Variants in PDIA3 observed in about 807,000 individuals in gnomAD.
PDIA3 encodes protein disulfide isomerase family A member 3.
A neutral mutation model predicts 56.9 loss-of-function variants in PDIA3; 16 were observed. That is an observed-to-expected ratio of 0.28 (90% confidence interval 0.19 to 0.43). The LOEUF is 0.43. Among genes scored for constraint, PDIA3 ranks in the 20% least tolerant of loss-of-function variants. The pLI, the probability that PDIA3 is intolerant of heterozygous loss-of-function variation, is 1.00. For missense variants in PDIA3, 485 were observed against 621.3 expected (o/e 0.78, Z 2.33); for synonymous variants, 192 against 216.5 (o/e 0.89, Z 0.99).
Position 43,746,550 on chromosome 15 carries a change from G to C in PDIA3, c.11G>C (p.Arg4Pro). The change falls in exon 1 of 13, where the codon CGC becomes CCC. Residue 4 changes from arginine (R) to proline (P), a missense_variant. Transcript: ENST00000300289. MRL[R>P]RLALFPGVAL... ...CCCCACCTCGCCGCCATGCGCCTCC[G>C]CCGCCTAGCGCTGTTCCCGGGTGTG... 6.2e-7 allele frequency: 1 copy of C among 1,603,228 alleles called. No homozygotes were observed. The highest frequency in any genetic ancestry group is 8.5e-7 in the Non-Finnish European group (1 of 1,176,030).
intron 3 of PDIA3, among the ~76,000 whole-genome samples, chr15:43,759,572 G>A (rs2086801412): frequency 6.6e-6 from 1 of 152,068 alleles, no homozygotes. Context: ...CCCAAAAGAA[G>A]ATAGTTGTAC....
Position 43,746,610 on chromosome 15 carries a change from C to A in PDIA3, c.71C>A (p.Ala24Asp). Residue 24 changes from alanine (A) to aspartate (D), a missense_variant, in exon 1 of 13, where the codon GCC (alanine) becomes GAC (aspartate). Coordinates refer to ENST00000300289, the MANE Select transcript of PDIA3 (RefSeq NM_005313.5). ...CTTGCCGCGGCCCGCCTCGCCGCTG[C>A]CTCCGACGTGCTAGAACTCACGGAC... is the stretch of plus-strand genomic sequence containing the variant. ...LLLAAARLAA[A>D]SDVLELTDDN... 1 of 1,612,684 alleles carries A rather than the reference C, an allele frequency of 6.2e-7. No individual in the cohort carries two copies. Among genetic ancestry groups the A allele is most frequent in the South Asian group, 1.1e-5 (1 of 91,086 alleles).
chr15:43,756,480 G>A (rs1303774855), intron 2 of PDIA3, among the ~76,000 whole-genome samples, 169 bp from the exon 3 acceptor site: 1 of 152,240 alleles, frequency 6.6e-6, no homozygotes, highest in Non-Finnish European at 1.5e-5. Context: ...CAGTTCTGAT[G>A]TAGTTAGGCA....
chr15:43,755,615 GA>G (rs1427027508), intron 2 of PDIA3, among the ~76,000 whole-genome samples: 1 of 151,960 alleles, frequency 6.6e-6, no homozygotes, highest in Non-Finnish European at 1.5e-5. Context: ...CTTGCCATAG[GA>G]AAAAAATTTA....
intron 2 of PDIA3, among the ~76,000 whole-genome samples, chr15:43,755,010 G>A (rs2086769239): frequency 1.3e-5 from 2 of 151,988 alleles, no homozygotes; most frequent in African/African-American, 4.8e-5. Context: ...ATGGAAAGCA[G>A]AAGTACAGCT....
At chr15:43,746,828 G>C in intron 1 of PDIA3, 122 bp downstream of exon 1, 1 of 1,130,918 alleles carries the variant, frequency 8.8e-7, no homozygotes, top group South Asian at 1.4e-5. Flanking sequence ...CTGCTGCGGC[G>C]GGCACATTTC....
In PDIA3 at chr15:43,771,246, AGGACTCTTC is replaced by A; in HGVS notation, c.*29_*37del. The A allele has an allele frequency of 7.1e-7, 1 of 1,418,316 alleles. No homozygotes were observed. Among genetic ancestry groups the A allele is most frequent in the Non-Finnish European group, 9.9e-7 (1 of 1,007,860 alleles). The allele number at this position is 1,418,316 out of a possible 1,614,324, so 87.9% of individuals were successfully genotyped here. Reference sequence around the variant, plus strand: ...CAGTAGCCAAACACCACTTTGTAAAAGGACTCTTCCATCAGAGATGGGAAAACCATTGGG... The same window carrying A: ...CAGTAGCCAAACACCACTTTGTAAAACATCAGAGATGGGAAAACCATTGGG... On this transcript the variant is annotated 3_prime_UTR_variant, in exon 13 of 13. Transcript: ENST00000300289.
chr15:43,750,849 A>G lies in PDIA3; in HGVS notation c.168-2975A>G, dbSNP rs534199255. On this transcript the variant is annotated intron_variant, in intron 1 of 12. Transcript: ENST00000300289. ...CCCTCTAAGACAGTAGTAATAAATAATGGCTGGGTGCAAAGGCTCACGCCT... is the reference window on the plus strand; with the variant it reads ...CCCTCTAAGACAGTAGTAATAAATAGTGGCTGGGTGCAAAGGCTCACGCCT... Among the ~76,000 whole-genome samples, 12 of 148,244 alleles carry G rather than the reference A, an allele frequency of 8.1e-5. 1 individual carries two copies. In the South Asian group the frequency reaches 1.5e-3, roughly 18 times the overall value.
rs1392344340 is a variant in PDIA3, at chr15:43,771,419, T to C, written c.*201T>C. 2.4e-6 allele frequency: 1 copy of C among 414,990 alleles called. No individual in the cohort carries two copies. The highest frequency in any genetic ancestry group is 4.2e-6 in the Non-Finnish European group (1 of 236,246). The allele number at this position is 414,990 out of a possible 1,614,324, so 25.7% of individuals were successfully genotyped here. On this transcript the variant is annotated 3_prime_UTR_variant, in exon 13 of 13. Transcript: ENST00000300289. ...GGAAATACCAGGACCAGTTTATGTTTGTGGTTTTGGGAAAAATTATTTGTG... is the reference window on the plus strand; with the variant it reads ...GGAAATACCAGGACCAGTTTATGTTCGTGGTTTTGGGAAAAATTATTTGTG...
At chr15:43,770,352 A>G (rs2086873567) in intron 11 of PDIA3, 23 bp downstream of exon 11, 24 of 1,586,412 alleles carry the variant, frequency 1.5e-5, no homozygotes, top group Non-Finnish European at 1.9e-5. Flanking sequence ...AAACTTAACA[A>G]AAGTGTCTAG....
rs1244514718 is a variant in PDIA3, at chr15:43,772,632, A to C, written c.*1414A>C. 6.6e-6 allele frequency: 1 copy of C among 152,378 alleles called. No individual in the cohort carries two copies. The highest frequency in any genetic ancestry group is 1.5e-5 in the Non-Finnish European group (1 of 68,156). 9.4% of individuals were successfully genotyped at this position (152,378 alleles called of 1,614,324 possible). On this transcript the variant is annotated 3_prime_UTR_variant, in exon 13 of 13. Coordinates refer to ENST00000300289, the MANE Select transcript of PDIA3 (RefSeq NM_005313.5). ...CAGAAGCAGTCAGTTTTAATTTTTT[A>C]GCCATGTTGGTAAAAGTTCATTTTC... is the stretch of plus-strand genomic sequence containing the variant.
chr15:43,754,851 A>T (rs1040760744), intron 2 of PDIA3, among the ~76,000 whole-genome samples: 4 of 151,834 alleles, frequency 2.6e-5, no homozygotes, highest in Non-Finnish European at 5.9e-5. Flanking sequence ...AGCTACTCAG[A>T]GGCTGAGGTG....
intron 3 of PDIA3, among the ~76,000 whole-genome samples, chr15:43,757,910 A>G (rs1172877926): frequency 1.3e-5 from 2 of 151,254 alleles, no homozygotes; most frequent in African/African-American, 4.9e-5. Context: ...ATGGATAACC[A>G]TCTCATACCC....
At chr15:43,768,399 A>C in intron 8 of PDIA3, 90 bp from the exon 9 acceptor site, 1 of 946,414 alleles carries the variant, frequency 1.1e-6, no homozygotes, top group Non-Finnish European at 1.7e-6. Flanking sequence ...TGAAAAGCTA[A>C]AATACATAGT....
chr15:43,766,121 C>A (rs2086846372), intron 7 of PDIA3, 109 bp downstream of exon 7: 2 of 715,824 alleles, frequency 2.8e-6, no homozygotes, highest in Non-Finnish European at 4.2e-6. Context: ...ATAAATGGTT[C>A]CTTAAGAAGA....
intron 3 of PDIA3, among the ~76,000 whole-genome samples, chr15:43,757,330 A>G (rs1206872387): frequency 6.6e-6 from 1 of 151,760 alleles, no homozygotes; most frequent in Non-Finnish European, 1.5e-5. Flanking sequence ...AGGCCGAGGC[A>G]GGTGGATCAC....
intron 1 of PDIA3, among the ~76,000 whole-genome samples, chr15:43,753,221 G>C (rs1031821390): frequency 1.6e-4 from 24 of 152,160 alleles, no homozygotes; most frequent in African/African-American, 5.8e-4. Context: ...TTGATTACAG[G>C]TGCCCACCAC....
intron 3 of PDIA3, among the ~76,000 whole-genome samples, chr15:43,759,725 A>G (rs2086802266): frequency 6.6e-6 from 1 of 152,250 alleles, no homozygotes; most frequent in South Asian, 2.1e-4. Flanking sequence ...AATTCTGACT[A>G]CATGCTGCTA....
At chr15:43,752,814 A>G (rs1375156511) in intron 1 of PDIA3, 1 of 470,986 alleles carries the variant, frequency 2.1e-6, no homozygotes, top group East Asian at 6.9e-5. Context: ...TACAGAACTC[A>G]CCTTCTCAAC....
Sources: gnomAD v4.1 joint callset for allele counts (sites outside exome capture counted in the v4.1 genomes callset) on GRCh38, gnomAD v4.1.1 for gene constraint, MANE v1.5 for transcripts, NCBI Gene and HGNC (gene_info 2026-07-23, HGNC 2026-07-21) for gene names.